Variants in SLC6A11 observed in about 807,000 individuals in gnomAD.
SLC6A11 encodes the protein sodium- and chloride-dependent GABA transporter 3.
Under a neutral mutation model 74.8 loss-of-function variants are expected in SLC6A11, and 25 were observed. That is an observed-to-expected ratio of 0.33 (90% CI 0.24 to 0.47). SLC6A11 has a LOEUF of 0.47. Ranked by LOEUF, SLC6A11 falls within the 20% of genes least tolerant of loss-of-function variation. The pLI is 1.00. For synonymous variants in SLC6A11, 330 were observed against 330.2 expected, an observed-to-expected ratio of 1.00 and a Z score of 0.01; for missense variants, 574 against 837.0, an observed-to-expected ratio of 0.69 and a Z score of 3.88.
At chr3:10,927,584 A>G (rs983127428) in intron 9 of SLC6A11, among the ~76,000 whole-genome samples, 4 of 152,290 alleles carry the variant, frequency 2.6e-5, no homozygotes, top group East Asian at 1.9e-4. Flanking sequence ...GCAGTGTCTC[A>G]TCAGTTTCAA....
rs150351768 is a variant in SLC6A11, at chr3:10,912,101, T to A, written c.903T>A (p.Asp301Glu). 251 of 1,613,068 alleles carry A rather than the reference T, an allele frequency of 1.6e-4. 1 individual carries two copies. In the African/African-American group the frequency reaches 3.2e-3, roughly 20 times the overall value. ...GTGCCTTCCTACAGGTCTGGGTAGA[T>A]GCTGGAACGCAGATCTTTTTCTCCT... Reference protein sequence around the residue: ...SRLSDPQVWVDAGTQIFFSYA... With the variant: ...SRLSDPQVWVEAGTQIFFSYA... Residue 301 changes from aspartate (D) to glutamate (E), a missense_variant, in exon 7 of 14, where the codon GAT (aspartate) becomes GAA (glutamate). Coordinates refer to ENST00000254488, the MANE Select transcript of SLC6A11 (RefSeq NM_014229.3).
At chr3:10,840,058 G>A (rs202016192) in intron 4 of SLC6A11, among the ~76,000 whole-genome samples, 2 of 152,134 alleles carry the variant, frequency 1.3e-5, no homozygotes, top group East Asian at 3.9e-4. Context: ...GGCAGCTAGA[G>A]TGTTCTAAAA....
chr3:10,830,383 C>T (rs911562418), intron 4 of SLC6A11, among the ~76,000 whole-genome samples: 2 of 152,200 alleles, frequency 1.3e-5, no homozygotes, highest in African/African-American at 4.8e-5. Flanking sequence ...GAAGAGCAGG[C>T]AGGGGCCAGA....
At chr3:10,832,331 G>C (rs1694308454) in intron 4 of SLC6A11, among the ~76,000 whole-genome samples, 1 of 152,030 alleles carries the variant, frequency 6.6e-6, no homozygotes, top group Non-Finnish European at 1.5e-5. Flanking sequence ...ATTAGGGTTT[G>C]GGGGAGCAGG....
At chr3:10,844,445 C>A in intron 5 of SLC6A11, 99 bp downstream of exon 5, 3 of 1,468,338 alleles carry the variant, frequency 2.0e-6, no homozygotes, top group Admixed American at 1.7e-5. Context: ...CAGAGGCCAG[C>A]ACTTAAGTTG....
chr3:10,895,231 T>A (rs571288615), intron 6 of SLC6A11, among the ~76,000 whole-genome samples: 160 of 152,296 alleles, frequency 1.1e-3, no homozygotes, highest in African/African-American at 3.8e-3. Context: ...TTTTTTTAAT[T>A]TGAGAGAGTG....
intron 5 of SLC6A11, among the ~76,000 whole-genome samples, chr3:10,871,059 A>G (rs1423483838): frequency 6.6e-6 from 1 of 152,234 alleles, no homozygotes; most frequent in Admixed American, 6.5e-5. Flanking sequence ...TCAGAACTCT[A>G]AACAATGGAA....
At chr3:10,858,427 A>T (rs1008309145) in intron 5 of SLC6A11, among the ~76,000 whole-genome samples, 3 of 152,286 alleles carry the variant, frequency 2.0e-5, no homozygotes, top group Admixed American at 2.0e-4. Context: ...CTGTGTGAGG[A>T]TGGTCCCCCA....
chr3:10,931,800 G>C (rs915388008), intron 10 of SLC6A11, among the ~76,000 whole-genome samples: 1 of 152,186 alleles, frequency 6.6e-6, no homozygotes, highest in Non-Finnish European at 1.5e-5. Flanking sequence ...CGTATCATCT[G>C]TCTGGCCTTG....
chr3:10,862,802 A>G (rs1459005729), intron 5 of SLC6A11, among the ~76,000 whole-genome samples: 2 of 152,192 alleles, frequency 1.3e-5, no homozygotes, highest in African/African-American at 4.8e-5. Flanking sequence ...CATCCTGTGA[A>G]CTGTCAGTCA....
At chr3:10,885,531 A>G (rs566541779) in intron 6 of SLC6A11, among the ~76,000 whole-genome samples, 1 of 152,018 alleles carries the variant, frequency 6.6e-6, no homozygotes, top group Non-Finnish European at 1.5e-5. Context: ...GGATGTTACC[A>G]GCATGTAGTG....
intron 8 of SLC6A11, among the ~76,000 whole-genome samples, chr3:10,921,697 C>T (rs1415321861): frequency 6.6e-6 from 1 of 151,766 alleles, no homozygotes; most frequent in African/African-American, 2.4e-5. Flanking sequence ...GATTATCAGA[C>T]CAGATTTTTT....
intron 5 of SLC6A11, among the ~76,000 whole-genome samples, chr3:10,870,200 T>C (rs1272992157): frequency 6.6e-6 from 1 of 152,158 alleles, no homozygotes; most frequent in Non-Finnish European, 1.5e-5. Context: ...CTCCATAGCC[T>C]CCTTTTCTTG....
At chr3:10,823,504 A>C in intron 4 of SLC6A11, 112 bp downstream of exon 4, 2 of 724,016 alleles carry the variant, frequency 2.8e-6, no homozygotes, top group Non-Finnish European at 5.0e-6. Flanking sequence ...GCAGCCTGGC[A>C]CTTCCTGGCT....
At chr3:10,858,370 AG>A (rs1396448914) in intron 5 of SLC6A11, among the ~76,000 whole-genome samples, 3 of 152,190 alleles carry the variant, frequency 2.0e-5, no homozygotes, top group Non-Finnish European at 2.9e-5. Context: ...CCCACCCCAC[AG>A]GAAGTGGAAC....
chr3:10,858,750 G>C, intron 5 of SLC6A11, among the ~76,000 whole-genome samples: 1 of 152,200 alleles, frequency 6.6e-6, no homozygotes, highest in East Asian at 1.9e-4. Context: ...CTGAGTTATT[G>C]TTTTACGGAG....
chr3:10,873,933 T>C (rs1445107297), intron 5 of SLC6A11, among the ~76,000 whole-genome samples: 3 of 150,724 alleles, frequency 2.0e-5, no homozygotes, highest in Non-Finnish European at 4.4e-5. Context: ...CTATCCTATG[T>C]TATGCTATGC....
rs1019464140 is a variant in SLC6A11 at position 10,926,380 on chromosome 3, G to A, written c.1233+264G>A. On this transcript the variant is annotated intron_variant, in intron 9 of 13. Transcript: ENST00000254488. This position sits in a 1 kb window ranked among gnomAD's most constrained non-coding sequence, Gnocchi z 5.7. ...CTTCCCAAACACTGTTTTCCTTACC[G>A]GAATTCCCAACTCTCAATTCACATT... Among the ~76,000 whole-genome samples the A allele has an allele frequency of 1.5e-4, 23 of 152,150 alleles. No individual in the cohort carries two copies. In the East Asian group the frequency reaches 1.5e-3, roughly 10 times the overall value.
intron 5 of SLC6A11, among the ~76,000 whole-genome samples, chr3:10,848,472 G>C (rs1220027331): frequency 2.0e-5 from 3 of 152,192 alleles, no homozygotes; most frequent in Admixed American, 2.0e-4. Context: ...CCCAACCCCA[G>C]GGTCTGATGA....
Sources: gnomAD v4.1 joint callset for allele counts (sites outside exome capture counted in the v4.1 genomes callset) on GRCh38, gnomAD v4.1.1 for gene constraint, Gnocchi (gnomAD v3.1) non-coding constraint, MANE v1.5 for transcripts, NCBI Gene and HGNC (gene_info 2026-07-23, HGNC 2026-07-21) for gene names.